AKT3: variants seen among roughly 807,000 people sequenced by gnomAD.
The protein encoded by AKT3 is AKT serine/threonine kinase 3, also known as RAC-gamma serine/threonine-protein kinase.
AKT3 carries 15 observed loss-of-function variants against 65.3 expected under a neutral mutation model. That is an observed-to-expected ratio of 0.23 (90% CI 0.15 to 0.35). The LOEUF (loss-of-function observed/expected upper bound fraction) is 0.35, where lower values mean the gene tolerates loss of function less well. AKT3 is among the 10% of genes least tolerant of loss of function. AKT3 has a pLI of 1.00. For synonymous variants in AKT3, 206 were observed against 183.8 expected, an observed-to-expected ratio of 1.12 and a Z score of -0.98; for missense variants, 243 against 576.5, an observed-to-expected ratio of 0.42 and a Z score of 5.92.
intron 12 of AKT3, among the ~76,000 whole-genome samples, chr1:243,539,764 T>C (rs1211726835): frequency 6.6e-6 from 1 of 152,166 alleles, no homozygotes; most frequent in Non-Finnish European, 1.5e-5. Flanking sequence ...ACAAGGGGAA[T>C]TAAAACTCTT....
At chr1:243,773,841 G>C (rs940656739) in intron 2 of AKT3, among the ~76,000 whole-genome samples, 1 of 152,106 alleles carries the variant, frequency 6.6e-6, no homozygotes, top group Non-Finnish European at 1.5e-5. Flanking sequence ...TCCCCTAACA[G>C]ACGTCAATGT....
At chr1:243,782,378 G>A (rs1179293907) in intron 2 of AKT3, among the ~76,000 whole-genome samples, 1 of 152,170 alleles carries the variant, frequency 6.6e-6, no homozygotes, top group Admixed American at 6.5e-5. Context: ...CCAAGTACAA[G>A]GCACCAGCAA....
intron 13 of AKT3, among the ~76,000 whole-genome samples, chr1:243,492,025 A>T (rs1275118456): frequency 6.6e-6 from 1 of 151,978 alleles, no homozygotes; most frequent in Non-Finnish European, 1.5e-5. Flanking sequence ...CTGGGTCCTG[A>T]GCCCCGCTGC....
intron 4 of AKT3, among the ~76,000 whole-genome samples, chr1:243,656,606 C>T (rs1472274081): frequency 1.3e-5 from 2 of 152,080 alleles, no homozygotes; most frequent in African/African-American, 2.4e-5. Context: ...GCAAAGGATA[C>T]GAGGTGTTCC....
chr1:243,717,065 T>C (rs924291370), intron 2 of AKT3, among the ~76,000 whole-genome samples: 2 of 152,212 alleles, frequency 1.3e-5, no homozygotes, highest in Non-Finnish European at 2.9e-5. Context: ...GATCTCAGTC[T>C]GTCTGCTCCA....
At chr1:243,732,956 A>G (rs936690227) in intron 2 of AKT3, among the ~76,000 whole-genome samples, 2 of 152,236 alleles carry the variant, frequency 1.3e-5, no homozygotes, top group South Asian at 4.1e-4. Flanking sequence ...CAGGTGTTCT[A>G]TTTCACAACT....
rs144462913 is a variant in AKT3 at position 243,840,960 on chromosome 1, G to GA, written c.46+2164dup. Among the ~76,000 whole-genome samples the GA allele has an allele frequency of 5.4e-3, 826 of 151,896 alleles. 11 individuals are homozygous for GA. Among genetic ancestry groups the GA allele is most frequent in the African/African-American group, 0.019 (786 of 41,476 alleles). ...ATAATGATGAGACAATTAAAAATAG[G>GA]AAAAAAAGTTCTAAAATGATTATCT... On this transcript the variant is annotated intron_variant, in intron 2 of 13. Transcript: ENST00000673466.
intron 5 of AKT3, among the ~76,000 whole-genome samples, chr1:243,638,761 T>C (rs556709320): frequency 1.6e-4 from 24 of 152,170 alleles, no homozygotes; most frequent in African/African-American, 5.5e-4. Context: ...TTTCTGTTTA[T>C]CATTTATCTA....
chr1:243,714,717 T>A (rs1027909585), intron 2 of AKT3, among the ~76,000 whole-genome samples: 7 of 152,266 alleles, frequency 4.6e-5, no homozygotes, highest in African/African-American at 9.6e-5. Flanking sequence ...ACATTTTTTT[T>A]AAATCTAAAC....
chr1:243,572,974 A>T lies in AKT3; in HGVS notation c.771T>A (p.Ser257=). The T allele has an allele frequency of 1.2e-6, 2 of 1,613,420 alleles. No homozygotes were observed. Among genetic ancestry groups the T allele is most frequent in the Non-Finnish European group, 1.7e-6 (2 of 1,179,672 alleles). ...RTRFYGAEIV[S]ALDYLHSGKI... ...TTCCGGAATGTAGATAGTCCAAGGC[A>T]GAGACAATTTCTGCACCATAGAAAC... is the stretch of plus-strand genomic sequence containing the variant. The change falls in exon 9 of 14, where the codon TCT becomes TCA. Residue 257 remains serine, a synonymous_variant. Coordinates refer to ENST00000673466, the MANE Select transcript of AKT3 (RefSeq NM_005465.7).
intron 12 of AKT3, among the ~76,000 whole-genome samples, chr1:243,541,496 C>G (rs914585085): frequency 4.6e-5 from 7 of 151,884 alleles, no homozygotes; most frequent in African/African-American, 1.7e-4. Flanking sequence ...TTTTTTTCTC[C>G]CCCTATACTA....
chr1:243,631,081 A>G (rs547138989), intron 6 of AKT3, among the ~76,000 whole-genome samples: 3 of 152,294 alleles, frequency 2.0e-5, no homozygotes, highest in Non-Finnish European at 2.9e-5. Context: ...CCCAGTGCAT[A>G]TAAGTTATGT....
intron 2 of AKT3, among the ~76,000 whole-genome samples, chr1:243,803,503 T>C (rs1692505386): frequency 6.6e-6 from 1 of 152,168 alleles, no homozygotes; most frequent in African/African-American, 2.4e-5. Context: ...TTCCACTGCA[T>C]CTTTATGAAA....
At chr1:243,699,360 G>T (rs1685272715) in intron 2 of AKT3, among the ~76,000 whole-genome samples, 1 of 150,292 alleles carries the variant, frequency 6.7e-6, no homozygotes, top group Non-Finnish European at 1.5e-5. Flanking sequence ...ATTGTTCAAT[G>T]GACACCCACC....
intron 2 of AKT3, among the ~76,000 whole-genome samples, chr1:243,790,160 T>G (rs566897785): frequency 6.6e-6 from 1 of 152,218 alleles, no homozygotes; most frequent in African/African-American, 2.4e-5. Context: ...CTTTGAAGCT[T>G]TGAAGGCAGG....
At chr1:243,772,242 G>A (rs1433387276) in intron 2 of AKT3, among the ~76,000 whole-genome samples, 1 of 152,052 alleles carries the variant, frequency 6.6e-6, no homozygotes, top group Non-Finnish European at 1.5e-5. Context: ...TACCATCAGA[G>A]TGAACAGGCA....
At chr1:243,608,386 T>C (rs917916545) in intron 8 of AKT3, among the ~76,000 whole-genome samples, 1 of 152,236 alleles carries the variant, frequency 6.6e-6, no homozygotes, top group South Asian at 2.1e-4. Flanking sequence ...GAAGATGCTA[T>C]TGTTAATTAA....
chr1:243,850,844 G>T (rs1028400312), upstream of AKT3, among the ~76,000 whole-genome samples: 1 of 151,998 alleles, frequency 6.6e-6, no homozygotes, highest in Non-Finnish European at 1.5e-5. Context: ...GTCGCTCCCG[G>T]GCGGGAAGTT....
intron 8 of AKT3, among the ~76,000 whole-genome samples, chr1:243,584,310 G>A (rs1472178685): frequency 6.6e-6 from 1 of 152,024 alleles, no homozygotes; most frequent in Non-Finnish European, 1.5e-5. Flanking sequence ...CCAAAACTGA[G>A]TCAGTAATAA....
Sources: gnomAD v4.1 joint callset for allele counts (sites outside exome capture counted in the v4.1 genomes callset) on GRCh38, gnomAD v4.1.1 for gene constraint, MANE v1.5 for transcripts, NCBI Gene and HGNC (gene_info 2026-07-23, HGNC 2026-07-21) for gene names.